The following KCNT2 variants were observed in gnomAD, a reference collection of about 807,000 sequenced individuals.
KCNT2 encodes potassium channel subfamily T member 2.
A neutral mutation model predicts 153.8 loss-of-function variants in KCNT2; 67 were observed. The ratio of observed to expected loss-of-function variants is 0.44; its 90% CI spans 0.36 to 0.53. The LOEUF is 0.53. KCNT2 is among the 20% of genes least tolerant of loss of function. The pLI, the probability that KCNT2 is intolerant of heterozygous loss-of-function variation, is 0.00. For missense variants in KCNT2, 975 were observed against 1,354.8 expected, an observed-to-expected ratio of 0.72 and a Z score of 4.40; for synonymous variants, 500 against 458.8, an observed-to-expected ratio of 1.09 and a Z score of -1.15.
intron 5 of KCNT2, among the ~76,000 whole-genome samples, chr1:196,478,417 C>A (rs530825800): frequency 1.3e-5 from 2 of 152,334 alleles, no homozygotes; most frequent in African/African-American, 2.4e-5. Flanking sequence ...TGCTGCTATA[C>A]AATGCCCCCA....
chr1:196,288,452 AGAG>A (rs1210161931), intron 22 of KCNT2, among the ~76,000 whole-genome samples: 4 of 152,066 alleles, frequency 2.6e-5, no homozygotes, highest in African/African-American at 4.8e-5. Context: ...AGTGTTTTTA[AGAG>A]GAGGAGTGAT....
At chr1:196,399,088 C>T (rs1264624627) in intron 12 of KCNT2, among the ~76,000 whole-genome samples, 1 of 106,000 alleles carries the variant, frequency 9.4e-6, no homozygotes, top group African/African-American at 3.2e-5. Flanking sequence ...ATAATTTTGA[C>T]CTGTGTGTAT....
chr1:196,270,828 GGTGT>G lies in KCNT2; in HGVS notation c.2910+10028_2910+10031del, dbSNP rs10641279. Among the ~76,000 whole-genome samples the G allele has an allele frequency of 4.6e-3, 680 of 148,084 alleles. 7 individuals carry two copies. The highest frequency in any genetic ancestry group is 0.014 in the Middle Eastern group (4 of 286). On this transcript the variant is annotated intron_variant, in intron 25 of 27. Transcript: ENST00000294725. ...ACTAAAGCAATGGTTTCAACATGCAGGTGTGTGTGTGTGTGTGTGTGTGCATGTA... is the reference window on the plus strand; with the variant it reads ...ACTAAAGCAATGGTTTCAACATGCAGGTGTGTGTGTGTGTGTGTGCATGTA...
chr1:196,305,348 A>G lies in KCNT2; in HGVS notation c.2484-3T>C. On this transcript the variant is annotated splice_region_variant and splice_polypyrimidine_tract_variant and intron_variant, in intron 21 of 27. Coordinates refer to ENST00000294725, the MANE Select transcript of KCNT2 (RefSeq NM_198503.5). Reference sequence around the variant, plus strand: ...TAATACTGAGACTGGAAAACAACCTACATTTCAAAAGAACATTTGCATTAC... The same window carrying G: ...TAATACTGAGACTGGAAAACAACCTGCATTTCAAAAGAACATTTGCATTAC... 5 of 1,516,014 alleles carry G rather than the reference A, an allele frequency of 3.3e-6. No individual in the cohort carries two copies. The highest frequency in any genetic ancestry group is 4.6e-6 in the Non-Finnish European group (5 of 1,092,128). 93.9% of individuals were successfully genotyped at this position (1,516,014 alleles called of 1,614,324 possible). A position where few individuals can be genotyped will look rare whatever the true frequency, so the allele number is the denominator to read the frequency against.
intron 8 of KCNT2, among the ~76,000 whole-genome samples, chr1:196,432,525 A>C (rs1572429526): frequency 6.6e-6 from 1 of 152,162 alleles, no homozygotes; most frequent in Admixed American, 6.5e-5. Flanking sequence ...ACCAGAAGTC[A>C]AGACATGGAG....
At chr1:196,455,348 A>G (rs961946283) in intron 8 of KCNT2, among the ~76,000 whole-genome samples, 1 of 152,050 alleles carries the variant, frequency 6.6e-6, no homozygotes, top group African/African-American at 2.4e-5. Context: ...AATAGGCAGT[A>G]CATAATTTAT....
chr1:196,479,907 T>A (rs1678864022), intron 4 of KCNT2, among the ~76,000 whole-genome samples: 1 of 152,210 alleles, frequency 6.6e-6, no homozygotes, highest in African/African-American at 2.4e-5. Context: ...AAAGGCTACA[T>A]CTTTGAGTAC....
chr1:196,353,339 C>T (rs561488095), intron 14 of KCNT2, among the ~76,000 whole-genome samples: 2 of 151,932 alleles, frequency 1.3e-5, no homozygotes, highest in South Asian at 4.2e-4. Context: ...AACCACTGTG[C>T]TCCTCTATCT....
intron 1 of KCNT2, among the ~76,000 whole-genome samples, chr1:196,576,090 A>G (rs4072396): frequency 0.13 from 18,550 of 148,370 alleles, 3,619 homozygotes; most frequent in African/African-American, 0.42. Context: ...ATATATATAT[A>G]TGTGTGTGTG....
At chr1:196,507,692 TA>T (rs1681260858) in intron 1 of KCNT2, among the ~76,000 whole-genome samples, 1 of 152,214 alleles carries the variant, frequency 6.6e-6, no homozygotes, top group South Asian at 2.1e-4. Flanking sequence ...TATATTTATA[TA>T]AAGGATATGT....
In KCNT2 at chr1:196,412,643, C is replaced by G. The variant is rs558939114; in HGVS notation, c.1185+10407G>C. On this transcript the variant is annotated intron_variant, in intron 12 of 27. Coordinates refer to ENST00000294725, the MANE Select transcript of KCNT2 (RefSeq NM_198503.5). ...AATAACAGTTAGCAGCCCCCTACCC[C>G]CCAGCACACACAAATGTACAGTATG... is the stretch of plus-strand genomic sequence containing the variant. Among the ~76,000 whole-genome samples the G allele has an allele frequency of 9.4e-4, 143 of 151,530 alleles. 1 individual carries two copies. Among genetic ancestry groups the G allele is most frequent in the African/African-American group, 2.0e-3 (81 of 41,378 alleles).
At chr1:196,576,998 T>G (rs989366491) in intron 1 of KCNT2, among the ~76,000 whole-genome samples, 2 of 152,168 alleles carry the variant, frequency 1.3e-5, no homozygotes, top group Non-Finnish European at 2.9e-5. Context: ...CTTGTGATGA[T>G]ACATTGAATA....
intron 1 of KCNT2, among the ~76,000 whole-genome samples, chr1:196,600,288 G>A (rs1187316315): frequency 6.6e-6 from 1 of 152,212 alleles, no homozygotes; most frequent in African/African-American, 2.4e-5. Context: ...ATATCCCTGT[G>A]TCTTAGGGTC....
At chr1:196,555,224 A>G (rs1658484501) in intron 1 of KCNT2, among the ~76,000 whole-genome samples, 1 of 151,170 alleles carries the variant, frequency 6.6e-6, no homozygotes, top group African/African-American at 2.4e-5. Context: ...TGATACTTAT[A>G]TTTAGAATAA....
At chr1:196,431,930 T>C (rs972115491) in intron 8 of KCNT2, among the ~76,000 whole-genome samples, 3 of 152,062 alleles carry the variant, frequency 2.0e-5, no homozygotes, top group Non-Finnish European at 4.4e-5. Flanking sequence ...ATCAAGACAA[T>C]GGAAGAATAA....
intron 14 of KCNT2, among the ~76,000 whole-genome samples, chr1:196,353,486 A>G (rs898832956): frequency 2.0e-5 from 3 of 151,944 alleles, no homozygotes; most frequent in African/African-American, 7.2e-5. Context: ...CAGCATAGTA[A>G]CTATTGGTTA....
chr1:196,258,072 A>T lies in KCNT2; in HGVS notation c.3211+122T>A. ...TCTGTAGGAGATCAGATGTATCACT[A>T]GTTTCTACTAATTGACCTGTGAAGC... On this transcript the variant is annotated intron_variant, in intron 26 of 27. Coordinates refer to ENST00000294725, the MANE Select transcript of KCNT2 (RefSeq NM_198503.5). 2.8e-6 allele frequency: 4 copies of T among 1,447,808 alleles called. No homozygotes were observed. In the East Asian group the frequency reaches 9.7e-5, roughly 35 times the overall value. The allele number at this position is 1,447,808 out of a possible 1,614,324, so 89.7% of individuals were successfully genotyped here.
At chr1:196,334,101 A>C in intron 16 of KCNT2, 41 bp from the exon 17 acceptor site, 3 of 1,324,988 alleles carry the variant, frequency 2.3e-6, no homozygotes, top group Non-Finnish European at 3.3e-6. Context: ...GGCGTTTGCC[A>C]TATTGATCAC....
At chr1:196,238,601 C>T (rs1293879815) in intron 26 of KCNT2, among the ~76,000 whole-genome samples, 1 of 151,878 alleles carries the variant, frequency 6.6e-6, no homozygotes, top group Non-Finnish European at 1.5e-5. Context: ...TTTTCTTTCA[C>T]GTGTGCCTTC....
Sources: gnomAD v4.1 joint callset for allele counts (sites outside exome capture counted in the v4.1 genomes callset) on GRCh38, gnomAD v4.1.1 for gene constraint, MANE v1.5 for transcripts, NCBI Gene and HGNC (gene_info 2026-07-23, HGNC 2026-07-21) for gene names.